DLC1: variants seen among roughly 807,000 people sequenced by gnomAD.
The protein encoded by DLC1 is rho GTPase-activating protein 7.
Under a neutral mutation model 140.3 loss-of-function variants are expected in DLC1, and 54 were observed. The ratio of observed to expected loss-of-function variants is 0.38; its 90% CI spans 0.31 to 0.48. The LOEUF (loss-of-function observed/expected upper bound fraction) is 0.48. Ranked by LOEUF, DLC1 falls within the 20% of genes least tolerant of loss-of-function variation. DLC1 has a pLI of 0.96. For missense variants in DLC1, 2,536 were observed against 1,907.0 expected (o/e 1.33, Z -6.14); for synonymous variants, 986 against 728.1 (o/e 1.35, Z -5.70).
chr8:13,207,225 C>T (rs1005245222), intron 5 of DLC1, among the ~76,000 whole-genome samples: 2 of 152,048 alleles, frequency 1.3e-5, no homozygotes, highest in African/African-American at 2.4e-5. Context: ...TTTCAAATTA[C>T]GTATTCAAAA....
At chr8:13,587,650 T>TA (rs1805377389) in intron 1 of DLC1, among the ~76,000 whole-genome samples, 2 of 148,296 alleles carry the variant, frequency 1.3e-5, no homozygotes, top group East Asian at 3.9e-4. Flanking sequence ...ATATGTATGT[T>TA]TATATAGGCG....
chr8:13,247,384 C>T (rs964777918), intron 5 of DLC1, among the ~76,000 whole-genome samples: 3 of 152,166 alleles, frequency 2.0e-5, no homozygotes, highest in Non-Finnish European at 4.4e-5. Flanking sequence ...GTGGCATGCT[C>T]TATGCAATTA....
chr8:13,573,087 A>G (rs1804719515), intron 1 of DLC1, among the ~76,000 whole-genome samples: 1 of 152,218 alleles, frequency 6.6e-6, no homozygotes, highest in Non-Finnish European at 1.5e-5. Context: ...AACAATATTG[A>G]GCATTCCAAT....
At chr8:13,348,886 G>A (rs1834500592) in intron 4 of DLC1, among the ~76,000 whole-genome samples, 1 of 152,190 alleles carries the variant, frequency 6.6e-6, no homozygotes, top group East Asian at 1.9e-4. Flanking sequence ...GGGCAGTGGG[G>A]ATGGGAAGTC....
chr8:13,519,229 G>A (rs1011466203), upstream of DLC1, among the ~76,000 whole-genome samples: 2 of 149,158 alleles, frequency 1.3e-5, no homozygotes, highest in African/African-American at 4.9e-5. Context: ...CTAGGTTCAC[G>A]CCATTCTCCT....
At chr8:13,343,720 C>T (rs1228172890) in intron 4 of DLC1, among the ~76,000 whole-genome samples, 2 of 152,252 alleles carry the variant, frequency 1.3e-5, no homozygotes, top group African/African-American at 4.8e-5. Flanking sequence ...TCTTTTCCTA[C>T]ACTGGATCGC....
chr8:13,518,047 G>T (rs1436619923), upstream of DLC1, among the ~76,000 whole-genome samples: 1 of 152,090 alleles, frequency 6.6e-6, no homozygotes, highest in Non-Finnish European at 1.5e-5. Flanking sequence ...TGTACTCTGT[G>T]GAAAGAAGAA....
At chr8:13,120,356 A>AAAAAAAATATATATATATATATATAT in intron 5 of DLC1, among the ~76,000 whole-genome samples, 2 of 61,136 alleles carry the variant, frequency 3.3e-5, no homozygotes, top group East Asian at 1.4e-3. Context: ...AAAAAAAAAA[A>AAAAAAAATATATATATATATATATAT]ATATATATAT....
chr8:13,421,497 T>C (rs1292366606), intron 2 of DLC1, among the ~76,000 whole-genome samples: 1 of 152,146 alleles, frequency 6.6e-6, no homozygotes, highest in Admixed American at 6.6e-5. Context: ...AAAGTCAAAG[T>C]TCCTACGGAA....
intron 5 of DLC1, among the ~76,000 whole-genome samples, chr8:13,134,146 C>A (rs931726532): frequency 1.3e-5 from 2 of 152,106 alleles, no homozygotes; most frequent in Non-Finnish European, 2.9e-5. Context: ...TTTGAGGACC[C>A]CTGATGTATT....
At chr8:13,536,151 T>TGACA (rs1466706316) in intron 1 of DLC1, 1 of 152,170 alleles carries the variant, frequency 6.6e-6, no homozygotes, top group African/African-American at 2.4e-5. Context: ...TGTATACTGA[T>TGACA]GACAACAAGC....
chr8:13,348,219 A>G (rs1247820836), intron 4 of DLC1, among the ~76,000 whole-genome samples: 2 of 152,190 alleles, frequency 1.3e-5, no homozygotes, highest in African/African-American at 2.4e-5. Flanking sequence ...AGGAGGTGGG[A>G]TACAGCCTGG....
chr8:13,475,904 C>G (rs765808778), intron 2 of DLC1, among the ~76,000 whole-genome samples: 21 of 152,194 alleles, frequency 1.4e-4, no homozygotes, highest in Non-Finnish European at 1.9e-4. Context: ...CCTTCACTCC[C>G]TTCAATCTGG....
intron 5 of DLC1, among the ~76,000 whole-genome samples, chr8:13,152,675 C>T (rs1377072273): frequency 6.6e-6 from 1 of 152,012 alleles, no homozygotes; most frequent in Admixed American, 6.6e-5. Flanking sequence ...GGGACAGTGG[C>T]TTGGGCCCAT....
chr8:13,427,023 C>T (rs1044924166), intron 2 of DLC1, among the ~76,000 whole-genome samples: 24 of 152,154 alleles, frequency 1.6e-4, no homozygotes, highest in African/African-American at 5.8e-4. Flanking sequence ...CATTTTTCAA[C>T]CTGTACTTTG....
At chr8:13,485,992 A>G (rs375302996) in intron 2 of DLC1, among the ~76,000 whole-genome samples, 43 of 152,172 alleles carry the variant, frequency 2.8e-4, no homozygotes, top group African/African-American at 1.0e-3. Context: ...CCTCTTGACA[A>G]TTGCTCATGG....
chr8:13,263,260 G>T (rs527598987), intron 5 of DLC1, among the ~76,000 whole-genome samples: 2 of 152,060 alleles, frequency 1.3e-5, no homozygotes, highest in South Asian at 4.1e-4. Context: ...CTTAATATAA[G>T]TTACTGTGAA....
chr8:13,214,990 A>G (rs1241402071), intron 5 of DLC1, among the ~76,000 whole-genome samples: 1 of 152,140 alleles, frequency 6.6e-6, no homozygotes, highest in Non-Finnish European at 1.5e-5. Context: ...CACACACAAT[A>G]TGTGCCTCTT....
At chr8:13,118,472 C>A (rs1039485393) in intron 5 of DLC1, among the ~76,000 whole-genome samples, 2 of 152,264 alleles carry the variant, frequency 1.3e-5, no homozygotes, top group East Asian at 1.9e-4. Flanking sequence ...AATAGACAAG[C>A]ATATGACTAT....
Sources: allele counts gnomAD v4.1 joint callset (sites outside exome capture counted in the v4.1 genomes callset), GRCh38; gene constraint gnomAD v4.1.1; transcripts MANE v1.5; gene names NCBI Gene and HGNC (gene_info 2026-07-23, HGNC 2026-07-21).